PC: variants seen among roughly 807,000 people sequenced by gnomAD.
The protein encoded by PC is pyruvate carboxylase.
In PC, 46 loss-of-function variants were observed where a neutral mutation model predicts 107.8. The ratio of observed to expected loss-of-function variants is 0.43; its 90% confidence interval spans 0.34 to 0.55. PC has a LOEUF of 0.55. Among genes scored for constraint, PC ranks in the 20% least tolerant of loss-of-function variants. The pLI, the probability that PC is intolerant of heterozygous loss-of-function variation, is 0.04. For synonymous variants in PC, 662 were observed against 684.7 expected, an observed-to-expected ratio of 0.97 and a Z score of 0.52; for missense variants, 1,241 against 1,643.1, an observed-to-expected ratio of 0.76 and a Z score of 4.23.
At chr11:66,944,335 T>C (rs1218517661) in intron 3 of PC, among the ~76,000 whole-genome samples, 1 of 113,878 alleles carries the variant, frequency 8.8e-6, no homozygotes, top group Non-Finnish European at 1.9e-5. Flanking sequence ...TCCCAGCACT[T>C]TGGGAGGCCA....
intron 3 of PC, among the ~76,000 whole-genome samples, chr11:66,935,441 C>T (rs1948972381): frequency 6.6e-6 from 1 of 152,180 alleles, no homozygotes; most frequent in African/African-American, 2.4e-5. Flanking sequence ...AGAGCCCTGC[C>T]TTAGATGGAG....
chr11:66,943,544 G>A (rs1949200905), intron 3 of PC, among the ~76,000 whole-genome samples: 2 of 151,378 alleles, frequency 1.3e-5, no homozygotes, highest in African/African-American at 4.9e-5. Flanking sequence ...AGGAGATTGA[G>A]ACCATCCTGG....
chr11:66,932,491 TAA>T (rs1948883476), intron 3 of PC, among the ~76,000 whole-genome samples: 1 of 152,176 alleles, frequency 6.6e-6, no homozygotes, highest in Admixed American at 6.5e-5. Context: ...TGTCAATGAC[TAA>T]ACCCTTGGGC....
chr11:66,920,132 C>T (rs1948559142), intron 3 of PC, among the ~76,000 whole-genome samples: 1 of 152,222 alleles, frequency 6.6e-6, no homozygotes, highest in East Asian at 1.9e-4. Context: ...CCAGAGTATA[C>T]CACGCCTCTT....
In PC at chr11:66,849,054, C is replaced by T. The variant is rs1379734143; in HGVS notation, c.3382G>A (p.Gly1128Arg). ...GGCTGGCCCTTGGCCACCTTGGCCC[C>T]TGCCACCACTTTGATGTCTATCACC... Reference protein sequence around the residue: ...GKVIDIKVVAGAKVAKGQPLC... With the variant: ...GKVIDIKVVARAKVAKGQPLC... Residue 1128 changes from glycine to arginine, a missense_variant, in exon 23 of 23, where the codon GGG (glycine) becomes AGG (arginine). Around this residue, in one of 2 missense-constraint regions of PC, gnomAD observed 98 missense variants for 91.2 expected, o/e 1.07. Transcript: ENST00000393960. 3 of 1,614,094 alleles carry T rather than the reference C, an allele frequency of 1.9e-6. No homozygotes were observed. Among genetic ancestry groups the T allele is most frequent in the Admixed American group, 1.7e-5 (1 of 60,032 alleles).
intron 3 of PC, among the ~76,000 whole-genome samples, chr11:66,906,341 A>G (rs1948164571): frequency 6.6e-6 from 1 of 152,156 alleles, no homozygotes; most frequent in Admixed American, 6.5e-5. Flanking sequence ...CAGCCAGGAA[A>G]CCAAGCACAC....
chr11:66,952,501 T>C (rs1302688343), intron 2 of PC, 33 bp from the exon 3 acceptor site: 1 of 152,234 alleles, frequency 6.6e-6, no homozygotes, highest in Non-Finnish European at 1.5e-5. Flanking sequence ...ATTACCCTCA[T>C]TGCTCCAGGA....
intron 3 of PC, among the ~76,000 whole-genome samples, chr11:66,907,193 T>C (rs1446987422): frequency 1.3e-5 from 2 of 152,194 alleles, no homozygotes; most frequent in African/African-American, 2.4e-5. Flanking sequence ...CCCAGAGCTC[T>C]TGGATCCATG....
At chr11:66,908,134 G>A (rs553230547) in intron 3 of PC, among the ~76,000 whole-genome samples, 125 of 152,222 alleles carry the variant, frequency 8.2e-4, no homozygotes, top group African/African-American at 2.9e-3. Flanking sequence ...AAAGGGCAGT[G>A]GTGTTCGAGT....
At chr11:66,892,566 G>A (rs751218108) in intron 3 of PC, among the ~76,000 whole-genome samples, 18 of 152,192 alleles carry the variant, frequency 1.2e-4, no homozygotes, top group South Asian at 2.1e-4. Flanking sequence ...GAAAAATGTC[G>A]CCGGGCGCGG....
chr11:66,927,895 AG>A (rs1948757740), intron 3 of PC, among the ~76,000 whole-genome samples: 1 of 152,184 alleles, frequency 6.6e-6, no homozygotes, highest in African/African-American at 2.4e-5. Context: ...AAGAGAAAGA[AG>A]AAAATAATGT....
intron 3 of PC, among the ~76,000 whole-genome samples, chr11:66,878,533 C>G (rs1188627682): frequency 6.6e-6 from 1 of 152,218 alleles, no homozygotes; most frequent in Non-Finnish European, 1.5e-5. Context: ...TGACATGTTG[C>G]CGCCCCCTCG....
chr11:66,940,951 T>C (rs1158656830), intron 3 of PC, among the ~76,000 whole-genome samples: 1 of 150,616 alleles, frequency 6.6e-6, no homozygotes, highest in Non-Finnish European at 1.5e-5. Flanking sequence ...TGGTGCATGT[T>C]TACAATCCAA....
intron 2 of PC, among the ~76,000 whole-genome samples, chr11:66,953,184 G>A (rs557300227): frequency 2.4e-4 from 37 of 152,132 alleles, no homozygotes; most frequent in Non-Finnish European, 4.6e-4. Flanking sequence ...GAAACAGTTC[G>A]TTTTATCTGA....
Position 66,848,931 on chromosome 11 carries a change from C to T in PC, c.3505G>A (p.Glu1169Lys). Residue 1169 changes from glutamate to lysine, a missense_variant, in exon 23 of 23, where the codon GAA becomes AAA. Around this residue, in one of 2 missense-constraint regions of PC, gnomAD observed 98 missense variants for 91.2 expected, o/e 1.07. Coordinates refer to ENST00000393960, the MANE Select transcript of PC (RefSeq NM_001040716.2). ...ATCTCCAGGATGAGGTCGTCACCTT[C>T]CAGTGTCATGTCCTTGGTCACATGA... The part of the protein sequence containing the change: ...KVHVTKDMTL[E>K]GDDLILEIE 6.2e-7 allele frequency: 1 copy of T among 1,614,014 alleles called. No homozygotes were observed.
intron 3 of PC, among the ~76,000 whole-genome samples, chr11:66,887,657 A>G (rs967057584): frequency 6.6e-6 from 1 of 152,214 alleles, no homozygotes; most frequent in South Asian, 2.1e-4. Flanking sequence ...GGACTCCCGG[A>G]AGGGGAGACG....
chr11:66,870,551 C>A lies in PC; in HGVS notation c.752-98G>T. ...CATAACCACTGTCGCCAGTCAGTGCCGGCTGCCAGCGGTACAGAGGCTGCC... is the reference window on the plus strand; with the variant it reads ...CATAACCACTGTCGCCAGTCAGTGCAGGCTGCCAGCGGTACAGAGGCTGCC... On this transcript the variant is annotated intron_variant, in intron 8 of 22. Transcript: ENST00000393960. The surrounding 1 kb of genome is among the most constrained non-coding windows in gnomAD (Gnocchi z 6.1). 1.4e-6 allele frequency: 2 copies of A among 1,382,852 alleles called. No individual in the cohort carries two copies. Among genetic ancestry groups the A allele is most frequent in the East Asian group, 2.3e-5 (1 of 42,582 alleles). The allele number at this position is 1,382,852 out of a possible 1,614,324, so 85.7% of individuals were successfully genotyped here.
chr11:66,857,594 A>C lies in PC; in HGVS notation c.1369-4211T>G. On this transcript the variant is annotated intron_variant, in intron 12 of 22. Coordinates refer to ENST00000393960, the MANE Select transcript of PC (RefSeq NM_001040716.2). This position sits in a 1 kb window ranked among gnomAD's most constrained non-coding sequence, Gnocchi z 7.1. ...GCCCTGCAGGCCCCAACCTTCCCTC[A>C]TCTCTGGCGGCCCTCTTGGGCCTCT... The C allele has an allele frequency of 1.3e-6, 1 of 795,096 alleles. No homozygotes were observed. Among genetic ancestry groups the C allele is most frequent in the Middle Eastern group, 3.8e-4 (1 of 2,616 alleles). The allele number at this position is 795,096 out of a possible 1,614,324, so 49.3% of individuals were successfully genotyped here. A position where few individuals can be genotyped will look rare whatever the true frequency, so the allele number is the denominator to read the frequency against.
chr11:66,881,412 C>G (rs1381887051), intron 3 of PC, among the ~76,000 whole-genome samples: 1 of 152,254 alleles, frequency 6.6e-6, no homozygotes, highest in Non-Finnish European at 1.5e-5. Flanking sequence ...TGCTGCCTCT[C>G]GGGTGACTCC....
Sources: gnomAD v4.1 joint callset for allele counts (sites outside exome capture counted in the v4.1 genomes callset) on GRCh38, gnomAD v4.1.1 for gene constraint, gnomAD v4.1.1 regional missense constraint, Gnocchi (gnomAD v3.1) non-coding constraint, MANE v1.5 for transcripts, NCBI Gene and HGNC (gene_info 2026-07-23, HGNC 2026-07-21) for gene names.